Variants in TAOK1 observed in about 807,000 individuals in gnomAD.
TAOK1 encodes serine/threonine-protein kinase TAO1.
A neutral mutation model predicts 138.3 loss-of-function variants in TAOK1; 21 were observed. The observed-to-expected ratio is 0.15, with a 90% CI of 0.11 to 0.22. TAOK1 has a LOEUF of 0.22. TAOK1 is among the 10% of genes least tolerant of loss of function. The pLI, the probability that TAOK1 is intolerant of heterozygous loss-of-function variation, is 1.00. For missense variants in TAOK1, 651 were observed against 1,227.7 expected, an observed-to-expected ratio of 0.53 and a Z score of 7.02; for synonymous variants, 361 against 398.4, an observed-to-expected ratio of 0.91 and a Z score of 1.12.
chr17:29,432,864 A>G (rs1407974826), intron 1 of TAOK1, among the ~76,000 whole-genome samples: 1 of 151,688 alleles, frequency 6.6e-6, no homozygotes, highest in Non-Finnish European at 1.5e-5. Flanking sequence ...TGCTCAAGGG[A>G]TCCTTCTGCC....
chr17:29,420,280 C>T (rs1404217806), intron 1 of TAOK1, among the ~76,000 whole-genome samples: 4 of 151,836 alleles, frequency 2.6e-5, no homozygotes, highest in South Asian at 2.1e-4. Flanking sequence ...GCAATTCACC[C>T]GCCTCGGCCT....
intron 1 of TAOK1, among the ~76,000 whole-genome samples, chr17:29,434,590 CAG>C (rs546214320): frequency 2.6e-3 from 393 of 152,220 alleles, no homozygotes; most frequent in Admixed American, 5.4e-3. Flanking sequence ...ACCCATGAAA[CAG>C]GGGTGTCGAG....
intron 2 of TAOK1, among the ~76,000 whole-genome samples, chr17:29,465,837 C>CTTTTTGTTTTTT (rs2030650921): frequency 2.2e-5 from 1 of 45,434 alleles, no homozygotes; most frequent in Non-Finnish European, 3.8e-5. Context: ...AGTTTCTGTG[C>CTTTTTGTTTTTT]TTTTTTTTTT....
chr17:29,540,526 G>A (rs1352843855), intron 19 of TAOK1, among the ~76,000 whole-genome samples: 5 of 151,742 alleles, frequency 3.3e-5, no homozygotes, highest in South Asian at 2.1e-4. Flanking sequence ...CACCACTCCC[G>A]GCTAATTTTT....
chr17:29,448,795 T>A (rs2030159139), intron 1 of TAOK1, among the ~76,000 whole-genome samples: 2 of 152,086 alleles, frequency 1.3e-5, no homozygotes, highest in Non-Finnish European at 2.9e-5. Flanking sequence ...CAGCAATATT[T>A]ATATAATAAC....
chr17:29,393,848 A>T (rs1188468122), intron 1 of TAOK1, among the ~76,000 whole-genome samples: 1 of 152,218 alleles, frequency 6.6e-6, no homozygotes, highest in Non-Finnish European at 1.5e-5. Flanking sequence ...AACAAATTTA[A>T]ACTCTGAGAG....
At chr17:29,440,236 T>C (rs1396220043) in intron 1 of TAOK1, among the ~76,000 whole-genome samples, 1 of 152,096 alleles carries the variant, frequency 6.6e-6, no homozygotes, top group East Asian at 1.9e-4. Flanking sequence ...AAAATTCTGG[T>C]AAGGAAAATG....
At chr17:29,401,530 C>G (rs1301451156) in intron 1 of TAOK1, among the ~76,000 whole-genome samples, 1 of 152,146 alleles carries the variant, frequency 6.6e-6, no homozygotes, top group East Asian at 1.9e-4. Flanking sequence ...TCAACTAGAA[C>G]AGCAAGGGGG....
intron 10 of TAOK1, 101 bp downstream of exon 10, chr17:29,491,966 C>A: frequency 1.2e-6 from 1 of 809,236 alleles, no homozygotes; most frequent in Non-Finnish European, 2.0e-6. Flanking sequence ...TCTCCTGCAG[C>A]CTTGACCTCC....
chr17:29,515,336 G>A (rs980234137), intron 15 of TAOK1, among the ~76,000 whole-genome samples: 1 of 152,050 alleles, frequency 6.6e-6, no homozygotes, highest in African/African-American at 2.4e-5. Flanking sequence ...TTTTGTCCTA[G>A]TTCACTCGTG....
chr17:29,495,835 G>A, intron 11 of TAOK1, 108 bp downstream of exon 11: 2 of 982,164 alleles, frequency 2.0e-6, no homozygotes, highest in Non-Finnish European at 2.8e-6. Context: ...TTTCCAGGTT[G>A]TATTTTCTCA....
chr17:29,437,307 C>T (rs182466199), intron 1 of TAOK1, among the ~76,000 whole-genome samples: 3 of 152,078 alleles, frequency 2.0e-5, no homozygotes, highest in East Asian at 3.9e-4. Context: ...TGTGATCCGC[C>T]TGCCTTGGCC....
chr17:29,499,375 G>A (rs989733322), intron 12 of TAOK1, among the ~76,000 whole-genome samples: 1 of 151,376 alleles, frequency 6.6e-6, no homozygotes. Context: ...GGAATTACAG[G>A]TGTGTGCCAC....
chr17:29,440,201 G>A (rs1177072915), intron 1 of TAOK1, among the ~76,000 whole-genome samples: 3 of 152,122 alleles, frequency 2.0e-5, no homozygotes, highest in East Asian at 3.8e-4. Context: ...CACGAGCAAT[G>A]TTAATTTTAA....
At chr17:29,486,476 C>T (rs1390681118) in intron 8 of TAOK1, among the ~76,000 whole-genome samples, 2 of 151,890 alleles carry the variant, frequency 1.3e-5, no homozygotes, top group East Asian at 3.9e-4. Flanking sequence ...ATACTAAAAC[C>T]GCAAAAATTA....
At chr17:29,466,715 CT>C (rs1290786806) in intron 2 of TAOK1, among the ~76,000 whole-genome samples, 1 of 152,118 alleles carries the variant, frequency 6.6e-6, no homozygotes, top group Non-Finnish European at 1.5e-5. Flanking sequence ...CATTGGTATT[CT>C]TTTCAATCTG....
chr17:29,519,558 T>C (rs2031880434), intron 16 of TAOK1, among the ~76,000 whole-genome samples: 1 of 152,054 alleles, frequency 6.6e-6, no homozygotes, highest in South Asian at 2.1e-4. Context: ...TTATTCTCAT[T>C]ATTAGGATAC....
At chr17:29,435,954 C>T (rs1009472879) in intron 1 of TAOK1, among the ~76,000 whole-genome samples, 8 of 152,040 alleles carry the variant, frequency 5.3e-5, no homozygotes, top group Non-Finnish European at 1.2e-4. Flanking sequence ...CATGGTGAAA[C>T]CCCATCTGTA....
At chr17:29,540,980 C>T (rs1224797222) in intron 19 of TAOK1, among the ~76,000 whole-genome samples, 1 of 143,292 alleles carries the variant, frequency 7.0e-6, no homozygotes, top group Non-Finnish European at 1.5e-5. Context: ...GTTGAGATTA[C>T]TAGGCATGAG....
Sources: gnomAD v4.1 joint callset for allele counts (sites outside exome capture counted in the v4.1 genomes callset) on GRCh38, gnomAD v4.1.1 for gene constraint, MANE v1.5 for transcripts, NCBI Gene and HGNC (gene_info 2026-07-23, HGNC 2026-07-21) for gene names.